The following C3 variants were observed in gnomAD, a reference collection of about 807,000 sequenced individuals.
C3 encodes complement C3.
In C3, 97 loss-of-function variants were observed where a neutral mutation model predicts 207.9. That is an observed-to-expected ratio of 0.47 (90% CI 0.40 to 0.55). The LOEUF (loss-of-function observed/expected upper bound fraction) is 0.55, where lower values mean the gene tolerates loss of function less well. Ranked by LOEUF, C3 falls within the 20% of genes least tolerant of loss-of-function variation. The pLI, the probability that C3 is intolerant of heterozygous loss-of-function variation, is 0.00. For synonymous variants in C3, 848 were observed against 857.6 expected (o/e 0.99, Z 0.20); for missense variants, 1,684 against 2,171.7 (o/e 0.78, Z 4.46).
Position 6,710,134 on chromosome 19 carries a change from G to C in C3, c.1687-292C>G, listed in dbSNP as rs116528507. Among the ~76,000 whole-genome samples the C allele has an allele frequency of 0.13, 17,615 of 136,508 alleles. 1,568 individuals carry two copies. Among genetic ancestry groups the C allele is most frequent in the East Asian group, 0.41 (1,694 of 4,108 alleles). 89.6% of individuals were successfully genotyped at this position (136,508 alleles called of 152,430 possible). A position where few individuals can be genotyped will look rare whatever the true frequency, so the allele number is the denominator to read the frequency against. Reference sequence around the variant, plus strand: ...GAGAGTGAGGGGGGAGAGAGGGAAAGGGAAAGAGGGAGAGAAAGGGAGAGG... The same window carrying C: ...GAGAGTGAGGGGGGAGAGAGGGAAACGGAAAGAGGGAGAGAAAGGGAGAGG... On this transcript the variant is annotated intron_variant, in intron 13 of 40. Coordinates refer to ENST00000245907, the MANE Select transcript of C3 (RefSeq NM_000064.4).
Position 6,686,765 on chromosome 19 carries a change from T to C in C3, c.3627A>G (p.Lys1209=). Residue 1209 remains lysine (K), a synonymous_variant, in exon 28 of 41, where the codon AAA becomes AAG. Transcript: ENST00000245907. Reference sequence around the variant, plus strand: ...CCTCACCTTTGGCTGTGGTCAGAAATTTGTTAAGAAGAGGCCCCTTCAGCC... The same window carrying C: ...CCTCACCTTTGGCTGTGGTCAGAAACTTGTTAAGAAGAGGCCCCTTCAGCC... ...MGRLKGPLLN[K]FLTTAKDKNR... 1 of 1,614,080 alleles carries C rather than the reference T, an allele frequency of 6.2e-7. No individual in the cohort carries two copies. The highest frequency in any genetic ancestry group is 8.5e-7 in the Non-Finnish European group (1 of 1,180,036).
Position 6,677,715 on chromosome 19 carries a change from G to A in C3, c.*167C>T. ...GCTAAAGAAGTCAGCACACTAGCAG[G>A]CGAACGCCAGGAGAAAATGCGGTGG... On this transcript the variant is annotated 3_prime_UTR_variant, in exon 41 of 41. Coordinates refer to ENST00000245907, the MANE Select transcript of C3 (RefSeq NM_000064.4). 1 of 839,266 alleles carries A rather than the reference G, an allele frequency of 1.2e-6. No individual in the cohort carries two copies. 52.0% of individuals were successfully genotyped at this position (839,266 alleles called of 1,614,324 possible).
rs113627602 is a variant in C3, at chr19:6,678,102, A to G, written c.4850+50T>C. On this transcript the variant is annotated intron_variant, in intron 40 of 40. Transcript: ENST00000245907. ...GGCGTGACAATGGTGTGGGCGTGGC[A>G]TGGGCGGGGCAGTCGGGCGGTCGCG... The G allele has an allele frequency of 1.1e-5, 17 of 1,613,882 alleles. No homozygotes were observed. In the East Asian group the frequency reaches 1.6e-4, roughly 15 times the overall value.
At position 6,710,682 on chromosome 19, in the gene C3, G is replaced by C; in HGVS notation, c.1643C>G (p.Ala548Gly). The C allele has an allele frequency of 6.2e-7, 1 of 1,613,442 alleles. No homozygotes were observed. Among genetic ancestry groups the C allele is most frequent in the East Asian group, 2.2e-5 (1 of 44,868 alleles). Residue 548 changes from alanine to glycine, a missense_variant, in exon 13 of 41, where the codon GCC becomes GGC. Ala to Gly is a moderately conservative substitution (Grantham distance 60). Around this residue, in one of 3 missense-constraint regions of C3, gnomAD observed 1,280 missense variants for 1,739.1 expected, o/e 0.74. Transcript: ENST00000245907. The stretch of plus-strand genomic sequence containing the variant: ...CTTGACGTCCACCCACACGGAGTCG[G>C]CCACCACCTCCCTCTGGCCGCTGGC... ...IGASGQREVV[A>G]DSVWVDVKDS...
In C3 at chr19:6,678,090, T is replaced by C. The variant is rs988674147; in HGVS notation, c.4850+62A>G. ...GCGTGGCGCAGGGGCGTGACAATGG[T>C]GTGGGCGTGGCATGGGCGGGGCAGT... On this transcript the variant is annotated intron_variant, in intron 40 of 40. Transcript: ENST00000245907. 13 of 1,613,488 alleles carry C rather than the reference T, an allele frequency of 8.1e-6. No homozygotes were observed. The African/African-American group carries it at 1.3e-4, about 17-fold the overall frequency.
At chr19:6,687,238 C>T (rs1394338770) in intron 27 of C3, among the ~76,000 whole-genome samples, 3 of 152,104 alleles carry the variant, frequency 2.0e-5, no homozygotes, top group African/African-American at 7.2e-5. Context: ...GCCAATTTCA[C>T]GGTGTCAATG....
At chr19:6,711,424 G>A (rs1967921059) in intron 11 of C3, among the ~76,000 whole-genome samples, 1 of 152,156 alleles carries the variant, frequency 6.6e-6, no homozygotes, top group Non-Finnish European at 1.5e-5. Flanking sequence ...GACAGAGACA[G>A]AGAGAAAGAG....
chr19:6,707,593 G>A (rs1967808150), intron 15 of C3, 56 bp from the exon 16 acceptor site: 3 of 1,592,334 alleles, frequency 1.9e-6, no homozygotes, highest in African/African-American at 1.3e-5. Context: ...AGGTGTCCTC[G>A]GTTCACCCCT....
At chr19:6,699,673 G>C (rs1219669480) in intron 19 of C3, among the ~76,000 whole-genome samples, 2 of 151,728 alleles carry the variant, frequency 1.3e-5, no homozygotes, top group African/African-American at 4.8e-5. Context: ...AGAAAATCTA[G>C]TATCCTAAAT....
chr19:6,717,469 T>G, intron 4 of C3: 1 of 188,872 alleles, frequency 5.3e-6, no homozygotes, highest in Non-Finnish European at 1.1e-5. Flanking sequence ...GTGTGTTGGG[T>G]TGTGTGTTGT....
intron 19 of C3, among the ~76,000 whole-genome samples, chr19:6,700,141 T>C (rs147318298): frequency 0.041 from 5,918 of 143,500 alleles, 408 homozygotes; most frequent in African/African-American, 0.14. Context: ...AATTATATTA[T>C]AATTAAATTT....
intron 27 of C3, 39 bp from the exon 28 acceptor site, chr19:6,686,941 A>C (rs1918024331): frequency 6.2e-7 from 1 of 1,608,034 alleles, no homozygotes; most frequent in Non-Finnish European, 8.5e-7. Flanking sequence ...TCATGTGGGC[A>C]TTGCTGTCAC....
At position 6,702,571 on chromosome 19, in the gene C3, C is replaced by T. The variant is rs945206710; in HGVS notation, c.2254G>A (p.Asp752Asn). 2 of 1,610,016 alleles carry T rather than the reference C, an allele frequency of 1.2e-6. No individual in the cohort carries two copies. The highest frequency in any genetic ancestry group is 1.7e-5 in the Admixed American group (1 of 60,018). The change falls in exon 18 of 41, where the codon GAT (aspartate) becomes AAT (asparagine). Residue 752 changes from aspartate to asparagine, a missense_variant. By Grantham distance (23) the Asp-to-Asn change is conservative (BLOSUM62 1). Around this residue, in one of 3 missense-constraint regions of C3, gnomAD observed 1,280 missense variants for 1,739.1 expected, o/e 0.74. Transcript: ENST00000245907. The stretch of plus-strand genomic sequence containing the variant: ...TTCTCTTCTGCAATGATGTCCTCAT[C>T]CAGGTTACCTGCAGGGGGTTTAGAT... ...SHLGLARSNL[D>N]EDIIAEENIV... is the part of the protein sequence containing the mutation.
At position 6,719,085 on chromosome 19, in the gene C3, G is replaced by A; in HGVS notation, c.267+126C>T. The stretch of plus-strand genomic sequence containing the variant: ...GCTTAGAAGGAGAGGCGACTCCGAA[G>A]GGGTGGAGTCTCAGGGAAGGGCAGG... On this transcript the variant is annotated intron_variant, in intron 2 of 40. Coordinates refer to ENST00000245907, the MANE Select transcript of C3 (RefSeq NM_000064.4). This position sits in a 1 kb window ranked among gnomAD's most constrained non-coding sequence, Gnocchi z 5.4. 2.4e-6 allele frequency: 2 copies of A among 850,052 alleles called. No homozygotes were observed. The highest frequency in any genetic ancestry group is 2.5e-5 in the East Asian group (1 of 40,694). 52.7% of individuals were successfully genotyped at this position (850,052 alleles called of 1,614,324 possible).
chr19:6,693,179 C>A, intron 25 of C3, 96 bp from the exon 26 acceptor site: 1 of 1,459,032 alleles, frequency 6.9e-7, no homozygotes, highest in Non-Finnish European at 9.5e-7. Flanking sequence ...CAGGGCCTGG[C>A]CCAGTTTGCC....
In C3 at chr19:6,677,872, G is replaced by C; in HGVS notation, c.*10C>G. On this transcript the variant is annotated 3_prime_UTR_variant, in exon 41 of 41. Transcript: ENST00000245907. ...GAAGCTTTATCTGGAGTGGGGGAAT[G>C]GGGGTGTGGTCAGTTGGGGCACCCA... 6.2e-7 allele frequency: 1 copy of C among 1,613,848 alleles called. No homozygotes were observed. The highest frequency in any genetic ancestry group is 1.3e-5 in the African/African-American group (1 of 75,038).
chr19:6,687,041 A>G, intron 27 of C3, 139 bp from the exon 28 acceptor site: 1 of 914,572 alleles, frequency 1.1e-6, no homozygotes, highest in Non-Finnish European at 1.7e-6. Context: ...CATTTTTGAG[A>G]ATTTCCCAGA....
chr19:6,709,803 C>T lies in C3; in HGVS notation c.1726G>A (p.Val576Ile). The T allele has an allele frequency of 6.2e-7, 1 of 1,613,988 alleles. No individual in the cohort carries two copies. Among genetic ancestry groups the T allele is most frequent in the South Asian group, 1.1e-5 (1 of 91,074 alleles). ...TTCAGGGTCATCTGCTGCCCAGGTACAGGCTGCCGGTCTTCTGACTGGCCG... is the reference window on the plus strand; with the variant it reads ...TTCAGGGTCATCTGCTGCCCAGGTATAGGCTGCCGGTCTTCTGACTGGCCG... Reference protein sequence around the residue: ...KSGQSEDRQPVPGQQMTLKIE... With the variant: ...KSGQSEDRQPIPGQQMTLKIE... Residue 576 changes from valine to isoleucine, a missense_variant, in exon 14 of 41, where the codon GTA (valine) becomes ATA (isoleucine). Val to Ile is a conservative substitution (Grantham distance 29). Transcript: ENST00000245907.
At chr19:6,707,444 A>G in intron 16 of C3, 22 bp downstream of exon 16, 1 of 1,612,422 alleles carries the variant, frequency 6.2e-7, no homozygotes, top group East Asian at 2.2e-5. Context: ...CGGGGGCAGG[A>G]GTGGGTAGGA....
Sources: gnomAD v4.1 joint callset for allele counts (sites outside exome capture counted in the v4.1 genomes callset) on GRCh38, gnomAD v4.1.1 for gene constraint, gnomAD v4.1.1 regional missense constraint, Gnocchi (gnomAD v3.1) non-coding constraint, MANE v1.5 for transcripts, NCBI Gene and HGNC (gene_info 2026-07-23, HGNC 2026-07-21) for gene names.